PRELID2: variants seen among roughly 807,000 people sequenced by gnomAD.
The protein encoded by PRELID2 is PRELI domain-containing protein 2.
In PRELID2, 25 loss-of-function variants were observed where a neutral mutation model predicts 28.4. The ratio of observed to expected loss-of-function variants is 0.88; its 90% confidence interval spans 0.64 to 1.23. The LOEUF (loss-of-function observed/expected upper bound fraction) is 1.23. Ranked by LOEUF, PRELID2 falls within the 50% of genes most tolerant of loss-of-function variation. PRELID2 has a pLI of 0.00. For missense variants in PRELID2, 201 were observed against 214.4 expected, an observed-to-expected ratio of 0.94 and a Z score of 0.39; for synonymous variants, 76 against 71.6, an observed-to-expected ratio of 1.06 and a Z score of -0.31.
the PRELID2 span, among the ~76,000 whole-genome samples, chr5:145,441,626 T>C: frequency 3.9e-5 from 6 of 152,146 alleles, no homozygotes; most frequent in African/African-American, 7.2e-5. Context: ...ATGAACTTAA[T>C]GGATATGGGC....
chr5:145,812,051 TC>T (rs1753983010), intron 4 of PRELID2, among the ~76,000 whole-genome samples: 1 of 152,152 alleles, frequency 6.6e-6, no homozygotes, highest in Non-Finnish European at 1.5e-5. Flanking sequence ...CTTGACTGGA[TC>T]TGCCAATACA....
chr5:145,714,682 T>C (rs1755794474), intron 1 of PRELID2, among the ~76,000 whole-genome samples: 1 of 152,192 alleles, frequency 6.6e-6, no homozygotes, highest in Non-Finnish European at 1.5e-5. Context: ...TTCTAATATC[T>C]GTGTCGTAAG....
the PRELID2 span, among the ~76,000 whole-genome samples, chr5:145,348,284 A>C: frequency 6.6e-6 from 1 of 152,152 alleles, no homozygotes; most frequent in Admixed American, 6.6e-5. Flanking sequence ...TCTAAGAATA[A>C]AACCACAATA....
intron 1 of PRELID2, among the ~76,000 whole-genome samples, chr5:145,716,794 G>A (rs988884784): frequency 2.6e-5 from 4 of 152,096 alleles, no homozygotes; most frequent in African/African-American, 9.7e-5. Context: ...TATGTGCCTG[G>A]CATTGCTCTC....
chr5:145,264,296 GA>G, the PRELID2 span, among the ~76,000 whole-genome samples: 1 of 152,116 alleles, frequency 6.6e-6, no homozygotes, highest in South Asian at 2.1e-4. Flanking sequence ...AATCTACCAT[GA>G]TCAAGTAGGT....
intron 1 of PRELID2, among the ~76,000 whole-genome samples, chr5:145,719,238 ATTAAATTAAAATC>A (rs1755922443): frequency 6.6e-6 from 1 of 151,968 alleles, no homozygotes; most frequent in Non-Finnish European, 1.5e-5. Context: ...CATGTCTAAG[ATTAAATTAAAATC>A]ACCCTGAGAA....
chr5:145,491,299 G>A (rs1373998946), intron 1 of PRELID2, among the ~76,000 whole-genome samples: 1 of 152,088 alleles, frequency 6.6e-6, no homozygotes, highest in Non-Finnish European at 1.5e-5. Flanking sequence ...ACTCTCACAT[G>A]GTGGAAGGGC....
intron 1 of PRELID2, among the ~76,000 whole-genome samples, chr5:145,516,606 T>C (rs1404286585): frequency 6.6e-6 from 1 of 152,138 alleles, no homozygotes; most frequent in African/African-American, 2.4e-5. Flanking sequence ...CAAGCTACCA[T>C]TGACTTTCTT....
the PRELID2 span, among the ~76,000 whole-genome samples, chr5:145,263,103 A>C: frequency 6.6e-6 from 1 of 152,198 alleles, no homozygotes; most frequent in Non-Finnish European, 1.5e-5. Context: ...GACATTATGT[A>C]AAAATAAAAA....
At chr5:145,382,774 G>A in the PRELID2 span, among the ~76,000 whole-genome samples, 2 of 151,594 alleles carry the variant, frequency 1.3e-5, no homozygotes, top group Non-Finnish European at 2.9e-5. Context: ...TTACTTGTCT[G>A]GAAAATATTT....
chr5:145,656,139 A>G (rs1333280540), intron 1 of PRELID2, among the ~76,000 whole-genome samples: 5 of 152,142 alleles, frequency 3.3e-5, no homozygotes, highest in Non-Finnish European at 7.4e-5. Context: ...CAACCAACAG[A>G]CACATGAAAA....
At chr5:145,482,840 A>G (rs1019116147) in intron 1 of PRELID2, among the ~76,000 whole-genome samples, 24 of 151,906 alleles carry the variant, frequency 1.6e-4, no homozygotes, top group African/African-American at 5.6e-4. Context: ...GACTTATGCA[A>G]CCTAGATCCC....
chr5:145,348,664 A>G, the PRELID2 span, among the ~76,000 whole-genome samples: 1 of 150,440 alleles, frequency 6.6e-6, no homozygotes, highest in Non-Finnish European at 1.5e-5. Flanking sequence ...ACAATTCACT[A>G]TTCTACATAT....
At chr5:145,582,815 A>C (rs768057561) in intron 1 of PRELID2, among the ~76,000 whole-genome samples, 8 of 152,108 alleles carry the variant, frequency 5.3e-5, no homozygotes, top group Non-Finnish European at 1.0e-4. Flanking sequence ...TAGCTTACTA[A>C]CCAAAAAAAC....
At chr5:145,600,526 T>G (rs80051813) in intron 1 of PRELID2, among the ~76,000 whole-genome samples, 5,023 of 149,664 alleles carry the variant, frequency 0.034, 182 homozygotes, top group African/African-American at 0.081. Context: ...AATATGAAAC[T>G]CACATATTAA....
chr5:145,255,498 G>T, the PRELID2 span, among the ~76,000 whole-genome samples: 3 of 152,112 alleles, frequency 2.0e-5, no homozygotes, highest in African/African-American at 7.2e-5. Flanking sequence ...TATTGGCTCG[G>T]TGCAGTGGCT....
At chr5:145,286,547 T>G in the PRELID2 span, among the ~76,000 whole-genome samples, 1 of 152,134 alleles carries the variant, frequency 6.6e-6, no homozygotes, top group Admixed American at 6.6e-5. Context: ...TCAGATCATC[T>G]CACACAACCC....
chr5:145,388,875 C>T, the PRELID2 span, among the ~76,000 whole-genome samples: 1 of 152,098 alleles, frequency 6.6e-6, no homozygotes, highest in African/African-American at 2.4e-5. Context: ...TATCATATTT[C>T]CCTGTTTTAT....
At chr5:145,373,755 ATAT>A in the PRELID2 span, among the ~76,000 whole-genome samples, 1 of 76,418 alleles carries the variant, frequency 1.3e-5, no homozygotes, top group Non-Finnish European at 2.2e-5. Context: ...AATATATATG[ATAT>A]TATATATTAC....
Sources: gnomAD v4.1 joint callset for allele counts (sites outside exome capture counted in the v4.1 genomes callset) on GRCh38, gnomAD v4.1.1 for gene constraint, MANE v1.5 for transcripts, NCBI Gene and HGNC (gene_info 2026-07-23, HGNC 2026-07-21) for gene names.